ERBB4: variants seen among roughly 807,000 people sequenced by gnomAD.
The protein encoded by ERBB4 is erb-b2 receptor tyrosine kinase 4.
A neutral mutation model predicts 158.0 loss-of-function variants in ERBB4; 42 were observed. The observed-to-expected ratio is 0.27, with a 90% CI of 0.21 to 0.34. The LOEUF (loss-of-function observed/expected upper bound fraction) is 0.34, where lower values mean the gene tolerates loss of function less well. Ranked by LOEUF, ERBB4 falls within the 10% of genes least tolerant of loss-of-function variation. The pLI is 1.00. For missense variants in ERBB4, 1,333 were observed against 1,624.1 expected (o/e 0.82, Z 3.08); for synonymous variants, 583 against 558.7 (o/e 1.04, Z -0.61).
intron 1 of ERBB4, among the ~76,000 whole-genome samples, chr2:212,306,288 T>C (rs1161715886): frequency 6.6e-6 from 1 of 151,478 alleles, no homozygotes; most frequent in Non-Finnish European, 1.5e-5. Context: ...CCTTCCATTT[T>C]AGATGCAGTA....
chr2:212,319,006 T>C (rs758274655), intron 1 of ERBB4, among the ~76,000 whole-genome samples: 7 of 151,554 alleles, frequency 4.6e-5, no homozygotes, highest in Non-Finnish European at 8.9e-5. Context: ...TACCACACTT[T>C]CAATCCAAAT....
At chr2:211,565,324 G>T (rs1351292928) in intron 19 of ERBB4, among the ~76,000 whole-genome samples, 1 of 152,158 alleles carries the variant, frequency 6.6e-6, no homozygotes, top group Non-Finnish European at 1.5e-5. Context: ...CTGAAAGGTG[G>T]TGATGGGAAT....
At chr2:211,607,228 A>G (rs2069016746) in intron 19 of ERBB4, among the ~76,000 whole-genome samples, 2 of 152,198 alleles carry the variant, frequency 1.3e-5, no homozygotes, top group South Asian at 2.1e-4. Flanking sequence ...ATTTCTGACC[A>G]TAAATCCCAA....
rs199635064 is a variant in ERBB4, at chr2:212,452,007, A to AG, written c.82+86441dup. ...TACATTGCATGGCTTGTGAGTGTGC[A>AG]GGTTTTTTTTTTTTTTTTTCCAGAT... On this transcript the variant is annotated intron_variant, in intron 1 of 27. Coordinates refer to ENST00000342788, the MANE Select transcript of ERBB4 (RefSeq NM_005235.3). 5.0e-3 allele frequency among the ~76,000 whole-genome samples: 720 copies of AG among 145,296 alleles called. 7 individuals are homozygous for AG. Among genetic ancestry groups the AG allele is most frequent in the African/African-American group, 0.014 (573 of 39,522 alleles).
chr2:212,201,049 C>T (rs746452396), intron 1 of ERBB4, among the ~76,000 whole-genome samples: 1 of 151,982 alleles, frequency 6.6e-6, no homozygotes, highest in Non-Finnish European at 1.5e-5. Context: ...GAAAGAAAAC[C>T]CAACAAAAAT....
At chr2:211,511,837 G>A (rs1045754098) in intron 20 of ERBB4, among the ~76,000 whole-genome samples, 1 of 152,024 alleles carries the variant, frequency 6.6e-6, no homozygotes, top group African/African-American at 2.4e-5. Context: ...TGTTTTGTGA[G>A]GAGATGATTA....
At chr2:212,357,155 C>T (rs2089493076) in intron 1 of ERBB4, among the ~76,000 whole-genome samples, 1 of 151,720 alleles carries the variant, frequency 6.6e-6, no homozygotes, top group Non-Finnish European at 1.5e-5. Context: ...CTTTTTTCCC[C>T]ATTTTCTTTT....
chr2:212,052,512 C>T (rs1431668074), intron 2 of ERBB4, among the ~76,000 whole-genome samples: 4 of 152,102 alleles, frequency 2.6e-5, no homozygotes, highest in South Asian at 4.1e-4. Context: ...ATACAGTCTG[C>T]TTATATGTAA....
intron 3 of ERBB4, among the ~76,000 whole-genome samples, chr2:211,933,732 C>T (rs569550788): frequency 2.0e-5 from 3 of 151,990 alleles, no homozygotes; most frequent in East Asian, 1.9e-4. Flanking sequence ...TATTTATTCT[C>T]TCTGGGACTC....
intron 1 of ERBB4, among the ~76,000 whole-genome samples, chr2:212,426,586 T>C (rs993944614): frequency 6.6e-6 from 1 of 152,082 alleles, no homozygotes; most frequent in African/African-American, 2.4e-5. Flanking sequence ...AATATGAAAG[T>C]TCCTCAAGGT....
chr2:211,402,568 T>C (rs991655191), intron 25 of ERBB4, among the ~76,000 whole-genome samples: 1 of 151,914 alleles, frequency 6.6e-6, no homozygotes. Flanking sequence ...CCAAGAGAGT[T>C]TGACACAAGC....
chr2:211,777,030 A>G (rs543694437), intron 4 of ERBB4, among the ~76,000 whole-genome samples: 1 of 152,200 alleles, frequency 6.6e-6, no homozygotes, highest in African/African-American at 2.4e-5. Context: ...TGGCAAGGGT[A>G]CATTTACCTA....
At chr2:211,852,939 T>G (rs537243234) in intron 3 of ERBB4, among the ~76,000 whole-genome samples, 1 of 151,990 alleles carries the variant, frequency 6.6e-6, no homozygotes, top group East Asian at 1.9e-4. Flanking sequence ...TCATCACCTC[T>G]GGCATACTAT....
At chr2:212,157,937 A>G (rs1199751700) in intron 1 of ERBB4, among the ~76,000 whole-genome samples, 1 of 152,048 alleles carries the variant, frequency 6.6e-6, no homozygotes, top group Admixed American at 6.6e-5. Context: ...AACTAAATAC[A>G]CAAATCTGAT....
At chr2:211,569,716 A>G (rs2067657661) in intron 19 of ERBB4, among the ~76,000 whole-genome samples, 2 of 152,226 alleles carry the variant, frequency 1.3e-5, no homozygotes, top group South Asian at 4.1e-4. Context: ...GGAAGGTCTG[A>G]GAAGGCTCAT....
chr2:212,006,316 C>A (rs1376034022), intron 2 of ERBB4, among the ~76,000 whole-genome samples: 1 of 152,046 alleles, frequency 6.6e-6, no homozygotes, highest in Non-Finnish European at 1.5e-5. Flanking sequence ...CTACCTCTTT[C>A]ATTATATATG....
At chr2:211,548,435 A>C (rs2066998241) in intron 20 of ERBB4, among the ~76,000 whole-genome samples, 1 of 152,148 alleles carries the variant, frequency 6.6e-6, no homozygotes, top group Admixed American at 6.5e-5. Flanking sequence ...TCTATAGAGA[A>C]AAAATTCATA....
chr2:212,331,904 T>C (rs921437366), intron 1 of ERBB4, among the ~76,000 whole-genome samples: 1 of 152,054 alleles, frequency 6.6e-6, no homozygotes, highest in South Asian at 2.1e-4. Flanking sequence ...TTAAGCAGAA[T>C]TAATTCTATA....
chr2:212,188,238 C>T (rs1358751512), intron 1 of ERBB4, among the ~76,000 whole-genome samples: 2 of 40,448 alleles, frequency 4.9e-5, no homozygotes, highest in African/African-American at 8.1e-5. Flanking sequence ...CTCTCTCCCC[C>T]CCCCTCTCAC....
Sources: gnomAD v4.1 joint callset for allele counts (sites outside exome capture counted in the v4.1 genomes callset) on GRCh38, gnomAD v4.1.1 for gene constraint, MANE v1.5 for transcripts, NCBI Gene and HGNC (gene_info 2026-07-23, HGNC 2026-07-21) for gene names.